TBC1D14: variants seen among roughly 807,000 people sequenced by gnomAD.
TBC1D14 encodes TBC1 domain family, member 14.
Under a neutral mutation model 79.0 loss-of-function variants are expected in TBC1D14, and 26 were observed. That is an observed-to-expected ratio of 0.33 (90% confidence interval 0.24 to 0.46). TBC1D14 has a LOEUF of 0.46. Among genes scored for constraint, TBC1D14 ranks in the 20% least tolerant of loss-of-function variants. The probability of loss-of-function intolerance (pLI) is 1.00; values close to 1 mark genes in which losing one functional copy is unlikely to be tolerated. For missense variants in TBC1D14, 769 were observed against 887.6 expected (o/e 0.87, Z 1.70); for synonymous variants, 394 against 349.9 (o/e 1.13, Z -1.40).
At chr4:7,015,949 A>G (rs1384994310) in intron 12 of TBC1D14, among the ~76,000 whole-genome samples, 2 of 152,238 alleles carry the variant, frequency 1.3e-5, no homozygotes, top group Admixed American at 1.3e-4. Context: ...GTAAATGTCA[A>G]ACCACTGTGA....
chr4:6,952,988 C>A (rs1714189975), intron 2 of TBC1D14, among the ~76,000 whole-genome samples: 1 of 151,272 alleles, frequency 6.6e-6, no homozygotes, highest in Non-Finnish European at 1.5e-5. Flanking sequence ...ATTACAGGCA[C>A]CCACTGTCAC....
At chr4:6,996,958 A>G (rs986373894) in intron 5 of TBC1D14, 1 of 152,252 alleles carries the variant, frequency 6.6e-6, no homozygotes, top group African/African-American at 2.4e-5. Flanking sequence ...TTTTGATAAA[A>G]TTCCTTGCAA....
chr4:6,982,041 A>G (rs552332887), intron 3 of TBC1D14, among the ~76,000 whole-genome samples: 31 of 152,354 alleles, frequency 2.0e-4, no homozygotes, highest in East Asian at 1.2e-3. Context: ...GTAATGCACA[A>G]TGGTACAGCC....
At position 6,923,946 on chromosome 4, in the gene TBC1D14, C is replaced by G; in HGVS notation, c.557C>G (p.Ser186Cys). Reference protein sequence around the residue: ...DILDLVVTSSSSAIVTLENDD... With the variant: ...DILDLVVTSSCSAIVTLENDD... ...TTGGACCTTGTGGTCACGAGCAGCT[C>G]CAGTGCCATTGTGACCCTGGAGAAT... is the stretch of plus-strand genomic sequence containing the variant. Residue 186 changes from serine to cysteine, a missense_variant, in exon 2 of 14, where the codon TCC becomes TGC. Physicochemically the swap from Ser to Cys is moderately radical, Grantham distance 112 (BLOSUM62 -1). Coordinates refer to ENST00000409757, the MANE Select transcript of TBC1D14 (RefSeq NM_020773.3). 6.2e-7 allele frequency: 1 copy of G among 1,614,144 alleles called. No homozygotes were observed. Among genetic ancestry groups the G allele is most frequent in the Non-Finnish European group, 8.5e-7 (1 of 1,180,030 alleles).
intron 3 of TBC1D14, among the ~76,000 whole-genome samples, chr4:6,975,198 G>T (rs756833038): frequency 2.0e-5 from 3 of 151,144 alleles, no homozygotes; most frequent in Admixed American, 6.6e-5. Flanking sequence ...ACAGGCATGA[G>T]CCGCCGCGCC....
intron 3 of TBC1D14, among the ~76,000 whole-genome samples, chr4:6,992,803 G>A (rs1287437128): frequency 6.6e-6 from 1 of 151,872 alleles, no homozygotes; most frequent in Non-Finnish European, 1.5e-5. Flanking sequence ...TAGATGTTCA[G>A]ATGCTTGAAT....
intron 12 of TBC1D14, among the ~76,000 whole-genome samples, chr4:7,020,018 C>T (rs560423651): frequency 2.2e-4 from 25 of 114,314 alleles, no homozygotes; most frequent in African/African-American, 7.6e-4. Flanking sequence ...TATGTGAACC[C>T]CGCTGGGCTC....
chr4:6,910,917 G>C (rs376343437), intron 1 of TBC1D14, among the ~76,000 whole-genome samples: 13 of 152,346 alleles, frequency 8.5e-5, no homozygotes, highest in African/African-American at 3.1e-4. Flanking sequence ...ACTGAGGCTA[G>C]ATGAGGAGGG....
Position 7,030,510 on chromosome 4 carries a change from T to A in TBC1D14, c.*118T>A. The A allele has an allele frequency of 9.7e-7, 1 of 1,033,080 alleles. No homozygotes were observed. Among genetic ancestry groups the A allele is most frequent in the South Asian group, 1.4e-5 (1 of 73,432 alleles). The allele number at this position is 1,033,080 out of a possible 1,614,324, so 64.0% of individuals were successfully genotyped here. A position where few individuals can be genotyped will look rare whatever the true frequency, so the allele number is the denominator to read the frequency against. On this transcript the variant is annotated 3_prime_UTR_variant, in exon 14 of 14. Coordinates refer to ENST00000409757, the MANE Select transcript of TBC1D14 (RefSeq NM_020773.3). ...ACAGACGCTCTTTAAGTTTGATTCCTAACACTGGAGTTGGCCTTAAACAAA... is the reference window on the plus strand; with the variant it reads ...ACAGACGCTCTTTAAGTTTGATTCCAAACACTGGAGTTGGCCTTAAACAAA...
chr4:6,979,296 T>G (rs1717140107), intron 3 of TBC1D14, among the ~76,000 whole-genome samples: 1 of 152,194 alleles, frequency 6.6e-6, no homozygotes, highest in Non-Finnish European at 1.5e-5. Context: ...AGCAGTTGTG[T>G]GTCTCAATAC....
At chr4:6,966,472 A>T (rs1715708512) in intron 2 of TBC1D14, among the ~76,000 whole-genome samples, 1 of 152,260 alleles carries the variant, frequency 6.6e-6, no homozygotes, top group Non-Finnish European at 1.5e-5. Flanking sequence ...AATACTCATT[A>T]TAAATAGGTA....
intron 2 of TBC1D14, among the ~76,000 whole-genome samples, chr4:6,961,838 A>G (rs147302841): frequency 2.2e-4 from 34 of 152,228 alleles, no homozygotes; most frequent in Non-Finnish European, 4.1e-4. Flanking sequence ...CAGCCGAAAA[A>G]AGGCAGGAGG....
Position 6,949,937 on chromosome 4 carries a change from G to A in TBC1D14, c.723-17367G>A, listed in dbSNP as rs28463590. ...TTACTTTAAGTTCTGGGATACATGT[G>A]CAGAACATGCAGGTTTGTTACATAG... On this transcript the variant is annotated intron_variant, in intron 2 of 13. Transcript: ENST00000409757. Among the ~76,000 whole-genome samples the A allele has an allele frequency of 5.3e-3, 805 of 152,168 alleles. 7 individuals are homozygous for A. Among genetic ancestry groups the A allele is most frequent in the African/African-American group, 0.018 (761 of 41,496 alleles).
chr4:6,995,805 C>T (rs1459397215), intron 4 of TBC1D14: 1 of 129,256 alleles, frequency 7.7e-6, no homozygotes, highest in African/African-American at 2.9e-5. Context: ...AGCCACTGCT[C>T]CCAGCCCATT....
intron 2 of TBC1D14, among the ~76,000 whole-genome samples, chr4:6,924,507 C>T (rs1724127450): frequency 6.6e-6 from 1 of 152,176 alleles, no homozygotes; most frequent in Non-Finnish European, 1.5e-5. Flanking sequence ...CTACTGCCAG[C>T]CCCTGCTGGC....
chr4:7,008,870 C>G (rs971810355), intron 9 of TBC1D14, among the ~76,000 whole-genome samples: 6 of 152,194 alleles, frequency 3.9e-5, no homozygotes, highest in Admixed American at 1.3e-4. Context: ...TAGCCTTGGC[C>G]TGGATAAAAC....
chr4:6,996,003 A>AT (rs1282304621), intron 4 of TBC1D14, among the ~76,000 whole-genome samples: 37 of 147,872 alleles, frequency 2.5e-4, no homozygotes, highest in Admixed American at 1.6e-3. Flanking sequence ...TGCCCGGCTA[A>AT]TTTTTTGTAT....
At chr4:7,010,922 G>T in intron 11 of TBC1D14, 141 bp downstream of exon 11, 1 of 1,036,680 alleles carries the variant, frequency 9.6e-7, no homozygotes, top group African/African-American at 1.6e-5. Context: ...ACTGTAAGGT[G>T]GAGGATGATT....
intron 7 of TBC1D14, among the ~76,000 whole-genome samples, chr4:7,002,866 A>G (rs995085706): frequency 1.3e-5 from 2 of 152,170 alleles, no homozygotes; most frequent in African/African-American, 4.8e-5. Flanking sequence ...ATCTTATTTA[A>G]TATTGACAGT....
Sources: gnomAD v4.1 joint callset for allele counts (sites outside exome capture counted in the v4.1 genomes callset) on GRCh38, gnomAD v4.1.1 for gene constraint, MANE v1.5 for transcripts, NCBI Gene and HGNC (gene_info 2026-07-23, HGNC 2026-07-21) for gene names.